Variants in GABRB3 observed in about 807,000 individuals in gnomAD.
GABRB3 encodes the protein gamma-aminobutyric acid type A receptor subunit beta3, also known as gamma-aminobutyric acid receptor subunit beta-3.
Under a neutral mutation model 52.1 loss-of-function variants are expected in GABRB3, and 14 were observed. The observed-to-expected ratio is 0.27, with a 90% CI of 0.18 to 0.42. GABRB3 has a LOEUF of 0.42. Ranked by LOEUF, GABRB3 falls within the 10% of genes least tolerant of loss-of-function variation. The pLI is 1.00. For missense variants in GABRB3, 307 were observed against 609.1 expected (o/e 0.50, Z 5.22); for synonymous variants, 260 against 232.3 (o/e 1.12, Z -1.08).
intron 3 of GABRB3, chr15:26,666,720 G>T (rs1216255494): frequency 6.6e-6 from 1 of 152,282 alleles, no homozygotes; most frequent in Non-Finnish European, 1.5e-5. Context: ...TGGAGGCCTG[G>T]GGCGCCCCCT....
intron 3 of GABRB3, chr15:26,657,215 T>A (rs1363917202): frequency 6.6e-6 from 1 of 152,200 alleles, no homozygotes; most frequent in Non-Finnish European, 1.5e-5. Flanking sequence ...GAGAGGCTTA[T>A]CTTCTTTAGT....
At chr15:26,648,272 A>G (rs28446765) in intron 3 of GABRB3, among the ~76,000 whole-genome samples, 25,571 of 152,192 alleles carry the variant, frequency 0.17, 2,265 homozygotes, top group African/African-American at 0.19. Context: ...TTCACTTAGC[A>G]TAATATCCTT....
At chr15:26,718,216 T>A (rs1201463440) in intron 3 of GABRB3, among the ~76,000 whole-genome samples, 1 of 152,178 alleles carries the variant, frequency 6.6e-6, no homozygotes, top group Non-Finnish European at 1.5e-5. Context: ...ATTTATTTAT[T>A]TATTTTTTTG....
rs551128212 is a variant in GABRB3, at chr15:26,713,940, A to G, written c.240+58462T>C. On this transcript the variant is annotated intron_variant, in intron 3 of 8. Coordinates refer to ENST00000311550, the MANE Select transcript of GABRB3 (RefSeq NM_000814.6). ...GGAGGTTGAACGGCCACATGTTGTG[A>G]GTGTCCAAAGTGCCTTCCCCAGGCA... Among the ~76,000 whole-genome samples, 3 of 152,314 alleles carry G rather than the reference A, an allele frequency of 2.0e-5. No homozygotes were observed. In the South Asian group the frequency reaches 6.2e-4, roughly 32 times the overall value.
intron 3 of GABRB3, among the ~76,000 whole-genome samples, chr15:26,700,807 G>A (rs1281757028): frequency 6.6e-6 from 1 of 152,212 alleles, no homozygotes; most frequent in Admixed American, 6.5e-5. Context: ...TGTAATCCCA[G>A]CACTCTGGGA....
chr15:26,654,456 C>T (rs1566792286), intron 3 of GABRB3, among the ~76,000 whole-genome samples: 1 of 150,250 alleles, frequency 6.7e-6, no homozygotes, highest in Non-Finnish European at 1.5e-5. Context: ...AACAAAGGTG[C>T]TCTTAAAAAT....
At chr15:26,669,677 T>C (rs1000925854) in intron 3 of GABRB3, among the ~76,000 whole-genome samples, 1 of 151,960 alleles carries the variant, frequency 6.6e-6, no homozygotes, top group African/African-American at 2.4e-5. Flanking sequence ...TATTCTGACA[T>C]AAAAATGTCC....
At chr15:26,617,870 AACAG>A (rs1246406404) in intron 4 of GABRB3, among the ~76,000 whole-genome samples, 1 of 151,530 alleles carries the variant, frequency 6.6e-6, no homozygotes, top group Non-Finnish European at 1.5e-5. Flanking sequence ...ATACACCAAT[AACAG>A]ACAAACAGAG....
At chr15:26,689,642 G>A (rs924463325) in intron 3 of GABRB3, among the ~76,000 whole-genome samples, 2 of 152,022 alleles carry the variant, frequency 1.3e-5, no homozygotes, top group African/African-American at 4.8e-5. Context: ...AGGTGAGGCA[G>A]AGGACACGAA....
chr15:26,743,363 A>G (rs1890260009), intron 3 of GABRB3, among the ~76,000 whole-genome samples: 1 of 152,134 alleles, frequency 6.6e-6, no homozygotes, highest in South Asian at 2.1e-4. Flanking sequence ...GTAGGAGTTG[A>G]ATCCCAGTTC....
Position 26,635,001 on chromosome 15 carries a change from TATATATATA to T in GABRB3, c.241-13476_241-13468del, listed in dbSNP as rs1226533710. ...GTATCTCTAAATATATATATATATA[TATATATATA>T]ATATATATATATTTAGAGAGGAAGA... On this transcript the variant is annotated intron_variant, in intron 3 of 8. Coordinates refer to ENST00000311550, the MANE Select transcript of GABRB3 (RefSeq NM_000814.6). Among the ~76,000 whole-genome samples, 165 of 8,124 alleles carry T rather than the reference TATATATATA, an allele frequency of 0.02. 7 individuals are homozygous for T. The East Asian group carries it at 0.33, about 16-fold the overall frequency. The allele number at this position is 8,124 out of a possible 152,430, so 5.3% of individuals were successfully genotyped here. A position where few individuals can be genotyped will look rare whatever the true frequency, so the allele number is the denominator to read the frequency against.
chr15:26,727,823 G>A (rs1022285089), intron 3 of GABRB3, among the ~76,000 whole-genome samples: 4 of 152,094 alleles, frequency 2.6e-5, no homozygotes, highest in Admixed American at 2.0e-4. Flanking sequence ...GTTCATACAA[G>A]CCTTACTTGT....
At chr15:26,697,888 G>C (rs1384425465) in intron 3 of GABRB3, among the ~76,000 whole-genome samples, 1 of 152,126 alleles carries the variant, frequency 6.6e-6, no homozygotes, top group Non-Finnish European at 1.5e-5. Context: ...AGAACTCCGG[G>C]CTCTTATCAA....
At chr15:26,643,422 CACTCCATACAGCAA>C (rs2140576414) in intron 3 of GABRB3, among the ~76,000 whole-genome samples, 1 of 152,304 alleles carries the variant, frequency 6.6e-6, no homozygotes, top group African/African-American at 2.4e-5. Context: ...AGATCAGAGT[CACTCCATACAGCAA>C]ACTCCAAAAA....
At chr15:26,726,424 C>T (rs774839886) in intron 3 of GABRB3, among the ~76,000 whole-genome samples, 6 of 152,302 alleles carry the variant, frequency 3.9e-5, no homozygotes, top group Non-Finnish European at 8.8e-5. Context: ...TTGAATGTCA[C>T]TGATAGTTCC....
intron 6 of GABRB3, among the ~76,000 whole-genome samples, chr15:26,574,770 C>T (rs1430563991): frequency 6.6e-6 from 1 of 152,058 alleles, no homozygotes; most frequent in African/African-American, 2.4e-5. Flanking sequence ...GGATACAGGG[C>T]TTCTTTTTGG....
At chr15:26,618,198 A>G (rs998683011) in intron 4 of GABRB3, among the ~76,000 whole-genome samples, 6 of 152,016 alleles carry the variant, frequency 3.9e-5, no homozygotes, top group African/African-American at 1.4e-4. Flanking sequence ...AAAAGAGCCC[A>G]CATCGCCAAG....
intron 4 of GABRB3, among the ~76,000 whole-genome samples, chr15:26,590,960 T>A (rs11637029): frequency 0.31 from 47,084 of 152,152 alleles, 9,117 homozygotes; most frequent in Middle Eastern, 0.46. Context: ...ATTCTTTTTC[T>A]AGGCTTTTCT....
At chr15:26,678,772 C>T (rs1408883511) in intron 3 of GABRB3, among the ~76,000 whole-genome samples, 1 of 152,124 alleles carries the variant, frequency 6.6e-6, no homozygotes, top group African/African-American at 2.4e-5. Flanking sequence ...TTTTCTGGAG[C>T]CCTGGTTGCT....
Sources: allele counts gnomAD v4.1 joint callset (sites outside exome capture counted in the v4.1 genomes callset), GRCh38; gene constraint gnomAD v4.1.1; transcripts MANE v1.5; gene names NCBI Gene and HGNC (gene_info 2026-07-23, HGNC 2026-07-21).